RNF123: variants seen among roughly 807,000 people sequenced by gnomAD.
RNF123 encodes the protein E3 ubiquitin-protein ligase RNF123.
RNF123 carries 86 observed loss-of-function variants against 168.5 expected under a neutral mutation model. The observed-to-expected ratio is 0.51, with a 90% CI of 0.43 to 0.61. RNF123 has a LOEUF of 0.61. Ranked by LOEUF, RNF123 falls within the 20% of genes least tolerant of loss-of-function variation. RNF123 has a pLI of 0.00. For synonymous variants in RNF123, 666 were observed against 689.1 expected (o/e 0.97, Z 0.52); for missense variants, 1,419 against 1,729.7 (o/e 0.82, Z 3.19).
intron 34 of RNF123, 94 bp downstream of exon 34, chr3:49,716,271 C>G (rs1248477212): frequency 1.3e-6 from 2 of 1,554,138 alleles, no homozygotes; most frequent in African/African-American, 2.7e-5. Flanking sequence ...TGCCCCCGGA[C>G]AGCCAGACTT....
At chr3:49,718,975 A>C (rs1173224014) in intron 35 of RNF123, 1 of 1,613,820 alleles carries the variant, frequency 6.2e-7, no homozygotes, top group East Asian at 2.2e-5. Context: ...GTTGCAGCCC[A>C]GGTAGAGATG....
chr3:49,696,800 C>T (rs941197686), intron 3 of RNF123, among the ~76,000 whole-genome samples: 2 of 151,878 alleles, frequency 1.3e-5, no homozygotes, highest in African/African-American at 2.4e-5. Flanking sequence ...GCATGCGCCA[C>T]CACACTCAGC....
rs369371695 is a variant in RNF123 at position 49,700,648 on chromosome 3, C to T, written c.1216C>T (p.Arg406Trp). 2.7e-5 allele frequency: 43 copies of T among 1,614,086 alleles called. No individual in the cohort carries two copies. The highest frequency in any genetic ancestry group is 5.0e-5 in the Admixed American group (3 of 60,010). The change falls in exon 15 of 39, where the codon CGG becomes TGG. Residue 406 changes from arginine (R) to tryptophan (W), a missense_variant. By Grantham distance (101) the Arg-to-Trp change is moderately radical. Around this residue, in one of 5 missense-constraint regions of RNF123, gnomAD observed 349 missense variants for 344.9 expected, o/e 1.01. Transcript: ENST00000327697. ...CCCCTCTCCACAGATCCATTACCTG[C>T]GGCTCACTATCGCCATCCTGAGGCA... ...PDLGLQIHYL[R>W]LTIAILRHEK...
chr3:49,717,995 C>G, intron 35 of RNF123: 1 of 1,613,644 alleles, frequency 6.2e-7, no homozygotes. Flanking sequence ...CTGGCGGACT[C>G]AGAGCCAGCC....
chr3:49,698,062 CTACGAGG>C lies in RNF123; in HGVS notation c.410_416del (p.Tyr137SerfsTer45). The stretch of plus-strand genomic sequence containing the variant: ...CTCAGCTCTTTCCAGGGAAATGGCT[CTACGAGG>C]TCCTCATCTCCTCCCAGGGGCTCAT... On this transcript the variant is annotated frameshift_variant, in exon 7 of 39. Coordinates refer to ENST00000327697, the MANE Select transcript of RNF123 (RefSeq NM_022064.5). LOFTEE classifies it high-confidence loss of function. 1.2e-6 allele frequency: 2 copies of C among 1,614,102 alleles called. No homozygotes were observed. Among genetic ancestry groups the C allele is most frequent in the Non-Finnish European group, 1.7e-6 (2 of 1,179,964 alleles).
chr3:49,717,727 G>A (rs1383200667), intron 35 of RNF123: 6 of 605,814 alleles, frequency 9.9e-6, no homozygotes, highest in Admixed American at 9.0e-5. Context: ...CAGGGCCTGG[G>A]GCCTTTGGGT....
intron 2 of RNF123, 52 bp downstream of exon 2, chr3:49,691,299 A>G (rs777717986): frequency 1.6e-5 from 26 of 1,596,856 alleles, no homozygotes; most frequent in Non-Finnish European, 2.1e-5. Context: ...AGGAGAAGGA[A>G]GGGACAAAGG....
Position 49,699,495 on chromosome 3 carries a change from G to T in RNF123, c.792G>T (p.Leu264=). The T allele has an allele frequency of 6.2e-7, 1 of 1,609,652 alleles. No individual in the cohort carries two copies. Residue 264 remains leucine, a synonymous_variant, in exon 11 of 39, where the codon CTG becomes CTT. Coordinates refer to ENST00000327697, the MANE Select transcript of RNF123 (RefSeq NM_022064.5). This position sits in a 1 kb window ranked among gnomAD's most constrained non-coding sequence, Gnocchi z 4.8. ...LRYPVAGYRP[L]QDPPSADLVR... is the part of the protein sequence containing the mutation. ...ACCCAGTGGCAGGCTACCGGCCCCT[G>T]CAGGACCCACCGAGTGCTGACCTGG...
chr3:49,715,616 C>A lies in RNF123; in HGVS notation c.3052C>A (p.Leu1018Ile), dbSNP rs1157490928. 6.2e-7 allele frequency: 1 copy of A among 1,614,048 alleles called. No individual in the cohort carries two copies. Reference sequence around the variant, plus strand: ...CCTGCTGCAGCAGCACATGGCGGACCTCCTACAGCAGGGTCCTGATGTGGC... The same window carrying A: ...CCTGCTGCAGCAGCACATGGCGGACATCCTACAGCAGGGTCCTGATGTGGC... ...STLLQQHMAD[L>I]LQQGPDVAPS... Residue 1018 changes from leucine to isoleucine, a missense_variant, in exon 32 of 39, where the codon CTC becomes ATC. Coordinates refer to ENST00000327697, the MANE Select transcript of RNF123 (RefSeq NM_022064.5).
chr3:49,696,774 G>T, intron 3 of RNF123, among the ~76,000 whole-genome samples: 1 of 151,368 alleles, frequency 6.6e-6, no homozygotes. Flanking sequence ...TGTCTCCCGA[G>T]TAGCTGGGAT....
intron 5 of RNF123, 78 bp downstream of exon 5, chr3:49,697,535 GTC>G (rs1438022953): frequency 1.7e-6 from 2 of 1,172,038 alleles, no homozygotes; most frequent in East Asian, 2.4e-5. Context: ...TGTGGCCCTA[GTC>G]TCTCTACTCA....
Position 49,719,477 on chromosome 3 carries a change from C to T in RNF123, c.3501-1034C>T, listed in dbSNP as rs774468868. On this transcript the variant is annotated intron_variant, in intron 35 of 38. Transcript: ENST00000327697. Reference sequence around the variant, plus strand: ...ACCAACCAGGTCATGGCGGCGACCACCAGGGACAGTACAGAGCAGCTCTGT... The same window carrying T: ...ACCAACCAGGTCATGGCGGCGACCATCAGGGACAGTACAGAGCAGCTCTGT... The T allele has an allele frequency of 8.1e-6, 13 of 1,604,868 alleles. No homozygotes were observed. The African/African-American group carries it at 1.6e-4, about 20-fold the overall frequency.
At position 49,700,310 on chromosome 3, in the gene RNF123, C is replaced by T. The variant is rs748952657; in HGVS notation, c.1068C>T (p.Ser356=). The T allele has an allele frequency of 8.1e-6, 13 of 1,614,218 alleles. No individual in the cohort carries two copies. Among genetic ancestry groups the T allele is most frequent in the Middle Eastern group, 1.6e-4 (1 of 6,062 alleles). Residue 356 remains serine, a synonymous_variant, in exon 13 of 39, where the codon TCC becomes TCT. Coordinates refer to ENST00000327697, the MANE Select transcript of RNF123 (RefSeq NM_022064.5). ...AGGGCACACCCACACAGGCACAGTC[C>T]GTGGTGCACCAGGTCCTGGACCTCT... The part of the protein sequence containing the change: ...VEKGTPTQAQ[S]VVHQVLDLLW...
chr3:49,705,956 T>C (rs763393967), intron 24 of RNF123, 26 bp from the exon 25 acceptor site: 9 of 1,610,342 alleles, frequency 5.6e-6, no homozygotes, highest in Admixed American at 1.7e-5. Flanking sequence ...AGGGGCACTC[T>C]GGACATGTGG....
intron 36 of RNF123, 22 bp from the exon 37 acceptor site, chr3:49,720,778 G>C: frequency 6.2e-7 from 1 of 1,613,920 alleles, no homozygotes; most frequent in South Asian, 1.1e-5. Context: ...CCTCTGACTT[G>C]ACACTACCTA....
At chr3:49,720,317 GAAAA>G (rs370438853) in intron 35 of RNF123, 190 bp from the exon 36 acceptor site, 65 of 345,224 alleles carry the variant, frequency 1.9e-4, no homozygotes, top group African/African-American at 1.1e-3. Context: ...CTCGTCTCAA[GAAAA>G]AAAAAAAAAA....
chr3:49,715,138 GCAGCAGAGGA>G (rs1030873288), intron 31 of RNF123, among the ~76,000 whole-genome samples: 1 of 152,284 alleles, frequency 6.6e-6, no homozygotes, highest in African/African-American at 2.4e-5. Context: ...CAGGCCAAGG[GCAGCAGAGGA>G]CAGTAGAGGA....
In RNF123 at chr3:49,713,509, G is replaced by A. The variant is rs1265299677; in HGVS notation, c.2675-4G>A. The A allele has an allele frequency of 1.9e-6, 3 of 1,606,160 alleles. No homozygotes were observed. Among genetic ancestry groups the A allele is most frequent in the African/African-American group, 1.3e-5 (1 of 74,840 alleles). ...CCGACACGTCTCACTTCCCACCCTT[G>A]CAGGCTATGAAGAGACCCTGACCCG... On this transcript the variant is annotated splice_polypyrimidine_tract_variant and splice_region_variant and intron_variant, in intron 27 of 38. Transcript: ENST00000327697.
intron 35 of RNF123, chr3:49,719,512 A>C: frequency 6.7e-7 from 1 of 1,491,404 alleles, no homozygotes; most frequent in Non-Finnish European, 9.2e-7. Context: ...TGCAGGTTGC[A>C]GTTCCAGGAC....
Sources: allele counts gnomAD v4.1 joint callset (sites outside exome capture counted in the v4.1 genomes callset), GRCh38; gene constraint gnomAD v4.1.1; regional missense constraint gnomAD v4.1.1; non-coding constraint Gnocchi (gnomAD v3.1); transcripts MANE v1.5; gene names NCBI Gene and HGNC (gene_info 2026-07-23, HGNC 2026-07-21).